KDM4B: variants seen among roughly 807,000 people sequenced by gnomAD.
KDM4B encodes the protein lysine demethylase 4B.
In KDM4B, 32 loss-of-function variants were observed where a neutral mutation model predicts 125.2. The observed-to-expected ratio is 0.26, with a 90% confidence interval of 0.19 to 0.34. The LOEUF is 0.34. Among genes scored for constraint, KDM4B ranks in the 10% least tolerant of loss-of-function variants. The probability of loss-of-function intolerance (pLI) is 1.00; values close to 1 mark genes in which losing one functional copy is unlikely to be tolerated. For missense variants in KDM4B, 1,190 were observed against 1,577.7 expected, an observed-to-expected ratio of 0.75 and a Z score of 4.16; for synonymous variants, 721 against 677.9, an observed-to-expected ratio of 1.06 and a Z score of -0.99.
At chr19:5,023,624 C>T (rs143995283) in intron 2 of KDM4B, among the ~76,000 whole-genome samples, 1 of 152,286 alleles carries the variant, frequency 6.6e-6, no homozygotes, top group African/African-American at 2.4e-5. Flanking sequence ...TCACCTGATG[C>T]CCAGCCCTCC....
chr19:5,056,941 G>A (rs1056012875), intron 6 of KDM4B, among the ~76,000 whole-genome samples: 7 of 151,992 alleles, frequency 4.6e-5, no homozygotes, highest in South Asian at 2.1e-4. Context: ...TGCCTGTCCC[G>A]GGGCTTCCCT....
At chr19:5,109,949 C>T (rs144939670) in intron 9 of KDM4B, among the ~76,000 whole-genome samples, 192 of 152,320 alleles carry the variant, frequency 1.3e-3, no homozygotes, top group African/African-American at 4.0e-3. Context: ...CCGCGTCTGA[C>T]GGGAGGGAGA....
At chr19:5,079,130 G>A (rs1043883017) in intron 8 of KDM4B, 1 of 152,202 alleles carries the variant, frequency 6.6e-6, no homozygotes, top group African/African-American at 2.4e-5. Flanking sequence ...CCGATCAATA[G>A]CAGAGCTTTT....
chr19:5,020,733 G>T (rs1159569312), intron 2 of KDM4B, among the ~76,000 whole-genome samples: 1 of 152,206 alleles, frequency 6.6e-6, no homozygotes, highest in African/African-American at 2.4e-5. Flanking sequence ...CTCCTAAATA[G>T]AATGCTAGGT....
intron 6 of KDM4B, among the ~76,000 whole-genome samples, chr19:5,053,769 A>G (rs1244581827): frequency 6.6e-6 from 1 of 152,258 alleles, no homozygotes; most frequent in Non-Finnish European, 1.5e-5. Flanking sequence ...CCCAGTGCCC[A>G]GGCCAGCTGC....
intron 10 of KDM4B, among the ~76,000 whole-genome samples, chr19:5,116,947 C>T (rs535749703): frequency 6.2e-4 from 94 of 152,266 alleles, no homozygotes; most frequent in Middle Eastern, 6.8e-3. Context: ...CAGAAACACG[C>T]GAAGGGGGAT....
At chr19:5,107,950 A>G (rs972877067) in intron 9 of KDM4B, among the ~76,000 whole-genome samples, 1 of 152,210 alleles carries the variant, frequency 6.6e-6, no homozygotes, top group South Asian at 2.1e-4. Context: ...GGAGACTTGC[A>G]GGAATGCTCC....
At chr19:5,143,240 T>C (rs1599269142) in intron 18 of KDM4B, among the ~76,000 whole-genome samples, 2 of 151,894 alleles carry the variant, frequency 1.3e-5, no homozygotes, top group African/African-American at 4.8e-5. Context: ...GGAGGATTGC[T>C]TGAGCCCAGG....
At chr19:5,133,765 C>T (rs2039599341) in intron 13 of KDM4B, 118 bp from the exon 14 acceptor site, 3 of 1,013,186 alleles carry the variant, frequency 3.0e-6, no homozygotes, top group Non-Finnish European at 2.9e-6. Context: ...GGGCCAGGGA[C>T]CCTGTGGGCA....
intron 6 of KDM4B, among the ~76,000 whole-genome samples, chr19:5,057,314 C>T (rs2037442887): frequency 6.6e-6 from 1 of 152,066 alleles, no homozygotes; most frequent in Non-Finnish European, 1.5e-5. Flanking sequence ...GATTTCCTTG[C>T]GTTTCTGCTC....
rs1328412831 is a variant in KDM4B at position 5,035,408 on chromosome 19, GC to G, written c.141+2381del. Among the ~76,000 whole-genome samples the G allele has an allele frequency of 6.6e-6, 1 of 152,068 alleles. No individual in the cohort carries two copies. The highest frequency in any genetic ancestry group is 6.5e-5 in the Admixed American group (1 of 15,270). ...TCTTCCGAGGTGCCTTTAAATGCCC[GC>G]CCCGTCACTTCTTCCTCATCCCTCA... On this transcript the variant is annotated intron_variant, in intron 3 of 22. Transcript: ENST00000159111. The surrounding 1 kb of genome is among the most constrained non-coding windows in gnomAD (Gnocchi z 5.3).
At position 5,070,995 on chromosome 19, in the gene KDM4B, T is replaced by A. The variant is rs1056230031; in HGVS notation, c.627-15T>A. ...CCACCGATCTTGCCTCTGACGTGCC[T>A]CCCTTCTCTCGCAGGTACGCCATCC... On this transcript the variant is annotated splice_polypyrimidine_tract_variant and intron_variant, in intron 6 of 22. Coordinates refer to ENST00000159111, the MANE Select transcript of KDM4B (RefSeq NM_015015.3). 1.1e-5 allele frequency: 18 copies of A among 1,613,458 alleles called. No individual in the cohort carries two copies. In the African/African-American group the frequency reaches 2.3e-4, roughly 20 times the overall value.
chr19:5,056,938 C>G (rs377623703), intron 6 of KDM4B, among the ~76,000 whole-genome samples: 41 of 151,942 alleles, frequency 2.7e-4, no homozygotes, highest in African/African-American at 9.9e-4. Flanking sequence ...CCCTGCCTGT[C>G]CCGGGGCTTC....
chr19:5,082,249 G>A lies in KDM4B; in HGVS notation c.781-118G>A. ...GAGCCGCTGGATCACCTTTGACTTTGTGAAACCCCCTTGGCTCATAAGCCA... is the reference window on the plus strand; with the variant it reads ...GAGCCGCTGGATCACCTTTGACTTTATGAAACCCCCTTGGCTCATAAGCCA... On this transcript the variant is annotated intron_variant, in intron 8 of 22. Transcript: ENST00000159111. This position sits in a 1 kb window ranked among gnomAD's most constrained non-coding sequence, Gnocchi z 5.4. The A allele has an allele frequency of 8.0e-7, 1 of 1,254,320 alleles. No individual in the cohort carries two copies. The highest frequency in any genetic ancestry group is 1.5e-5 in the African/African-American group (1 of 66,192). The allele number at this position is 1,254,320 out of a possible 1,614,324, so 77.7% of individuals were successfully genotyped here.
At chr19:5,079,102 T>G (rs1027023303) in intron 8 of KDM4B, 7 of 152,226 alleles carry the variant, frequency 4.6e-5, no homozygotes, top group Non-Finnish European at 7.3e-5. Flanking sequence ...TAATGGTATT[T>G]ACTTCTAGGA....
At chr19:5,145,041 C>G in intron 21 of KDM4B, 139 bp downstream of exon 21, 3 of 1,098,002 alleles carry the variant, frequency 2.7e-6, no homozygotes, top group Non-Finnish European at 3.9e-6. Flanking sequence ...GTGAGGCCCG[C>G]AGGACCCAGC....
chr19:5,139,676 T>A (rs1488396025), intron 18 of KDM4B, among the ~76,000 whole-genome samples: 1 of 152,246 alleles, frequency 6.6e-6, no homozygotes, highest in African/African-American at 2.4e-5. Flanking sequence ...TCAGTGACGC[T>A]GGGCATCTTT....
intron 1 of KDM4B, among the ~76,000 whole-genome samples, chr19:5,014,318 C>G (rs1232805225): frequency 6.6e-6 from 1 of 152,148 alleles, no homozygotes. Context: ...GCTCTGTTGC[C>G]CAGGCTGGGG....
chr19:5,147,977 C>T (rs115097793), intron 21 of KDM4B, among the ~76,000 whole-genome samples: 5,009 of 152,192 alleles, frequency 0.033, 115 homozygotes, highest in African/African-American at 0.041. Context: ...GTCAGCGGGG[C>T]GGGTGGCTGG....
Sources: allele counts gnomAD v4.1 joint callset (sites outside exome capture counted in the v4.1 genomes callset), GRCh38; gene constraint gnomAD v4.1.1; non-coding constraint Gnocchi (gnomAD v3.1); transcripts MANE v1.5; gene names NCBI Gene and HGNC (gene_info 2026-07-23, HGNC 2026-07-21).